The following VAV2 variants were observed in gnomAD, a reference collection of about 807,000 sequenced individuals.
VAV2 encodes guanine nucleotide exchange factor VAV2.
Under a neutral mutation model 132.5 loss-of-function variants are expected in VAV2, and 67 were observed. That is an observed-to-expected ratio of 0.51 (90% CI 0.42 to 0.62). The LOEUF is 0.62. VAV2 is among the 20% of genes least tolerant of loss of function. The pLI is 0.00. For synonymous variants in VAV2, 492 were observed against 443.5 expected, an observed-to-expected ratio of 1.11 and a Z score of -1.37; for missense variants, 938 against 1,153.6, an observed-to-expected ratio of 0.81 and a Z score of 2.71.
At position 133,961,455 on chromosome 9, in the gene VAV2, C is replaced by G. The variant is rs767977726; in HGVS notation, c.205-22236G>C. 5.3e-5 allele frequency among the ~76,000 whole-genome samples: 8 copies of G among 152,178 alleles called. No individual in the cohort carries two copies. Among genetic ancestry groups the G allele is most frequent in the Non-Finnish European group, 1.0e-4 (7 of 68,030 alleles). On this transcript the variant is annotated intron_variant, in intron 1 of 29. Transcript: ENST00000371850. This position sits in a 1 kb window ranked among gnomAD's most constrained non-coding sequence, Gnocchi z 4.1. The stretch of plus-strand genomic sequence containing the variant: ...ATCTGGGGCTGCAGACCAGAGGGCC[C>G]TGGAATCCCCTTCTCCAACCCAGTC...
intron 4 of VAV2, among the ~76,000 whole-genome samples, chr9:133,819,365 C>T (rs1211899942): frequency 1.3e-5 from 2 of 151,572 alleles, no homozygotes; most frequent in South Asian, 2.1e-4. Flanking sequence ...AGGAGAATGG[C>T]GTGAACCCAG....
intron 2 of VAV2, among the ~76,000 whole-genome samples, chr9:133,929,688 C>T (rs1372537101): frequency 1.3e-5 from 2 of 152,114 alleles, no homozygotes; most frequent in Non-Finnish European, 2.9e-5. Context: ...CTGGGATGAC[C>T]ACAGCTGCCC....
chr9:133,764,225 G>A (rs1478895468), intron 29 of VAV2, 116 bp from the exon 30 acceptor site: 1 of 1,316,560 alleles, frequency 7.6e-7, no homozygotes, highest in Non-Finnish European at 1.1e-6. Context: ...GGGCCCTTCG[G>A]AAGTCCAGAG....
chr9:133,766,858 C>T lies in VAV2; in HGVS notation c.2589+1584G>A, dbSNP rs192316981. On this transcript the variant is annotated intron_variant, in intron 29 of 29. Coordinates refer to ENST00000371850, the MANE Select transcript of VAV2 (RefSeq NM_001134398.2). ...TATATAGAATTAAGATACATGAGAA[C>T]GCTTGCACAAAAGTTGGGAGGAAAA... is the stretch of plus-strand genomic sequence containing the variant. Among the ~76,000 whole-genome samples, 976 of 148,748 alleles carry T rather than the reference C, an allele frequency of 6.6e-3. 20 individuals carry two copies. The highest frequency in any genetic ancestry group is 0.043 in the Admixed American group (645 of 14,920).
chr9:133,846,503 G>A (rs527402603), intron 3 of VAV2, among the ~76,000 whole-genome samples: 16 of 152,308 alleles, frequency 1.1e-4, no homozygotes, highest in Admixed American at 6.5e-5. Context: ...CTGCCCTGCT[G>A]GAACCCCCAG....
chr9:133,873,693 A>G (rs1440749409), intron 2 of VAV2, among the ~76,000 whole-genome samples: 2 of 152,194 alleles, frequency 1.3e-5, no homozygotes, highest in African/African-American at 4.8e-5. Context: ...CCCACCAGGA[A>G]ACTCTACAGG....
intron 2 of VAV2, among the ~76,000 whole-genome samples, chr9:133,914,523 G>A (rs1195566394): frequency 6.8e-6 from 1 of 146,384 alleles, no homozygotes; most frequent in East Asian, 2.0e-4. Flanking sequence ...CGCAGCGTGT[G>A]ACTCTGGTGA....
At chr9:133,775,185 C>A in intron 24 of VAV2, 134 bp from the exon 25 acceptor site, 1 of 723,728 alleles carries the variant, frequency 1.4e-6, no homozygotes, top group Non-Finnish European at 2.2e-6. Context: ...CTAATGAACC[C>A]AAGAGAACAG....
intron 4 of VAV2, among the ~76,000 whole-genome samples, chr9:133,818,441 A>G (rs981340081): frequency 1.3e-5 from 2 of 151,734 alleles, no homozygotes; most frequent in Admixed American, 6.6e-5. Flanking sequence ...GCCCTCAGAC[A>G]TCGGAACTCC....
intron 2 of VAV2, among the ~76,000 whole-genome samples, chr9:133,925,097 G>A (rs924758144): frequency 6.6e-6 from 1 of 152,228 alleles, no homozygotes; most frequent in East Asian, 1.9e-4. Flanking sequence ...TTGTTTCAGG[G>A]TGATGAAAAA....
Position 133,788,480 on chromosome 9 carries a change from C to T in VAV2, c.1281G>A (p.Leu427=), listed in dbSNP as rs753225328. 2.5e-5 allele frequency: 40 copies of T among 1,608,502 alleles called. No homozygotes were observed. The highest frequency in any genetic ancestry group is 3.1e-5 in the Non-Finnish European group (36 of 1,175,546). The part of the protein sequence containing the change: ...IVNHTKQDRY[L]FLFDKVVIVC... Reference sequence around the variant, plus strand: ...CGATGACCACCTTGTCAAACAGGAACAAGTACCTGGGCCAGGCAGCGCAGC... The same window carrying T: ...CGATGACCACCTTGTCAAACAGGAATAAGTACCTGGGCCAGGCAGCGCAGC... The change falls in exon 15 of 30, where the codon TTG becomes TTA. Residue 427 remains leucine (L), a synonymous_variant. Coordinates refer to ENST00000371850, the MANE Select transcript of VAV2 (RefSeq NM_001134398.2). This position sits in a 1 kb window ranked among gnomAD's most constrained non-coding sequence, Gnocchi z 5.3.
intron 1 of VAV2, among the ~76,000 whole-genome samples, chr9:133,958,131 A>G (rs1841848309): frequency 7.1e-6 from 1 of 141,674 alleles, no homozygotes; most frequent in African/African-American, 2.5e-5. Context: ...CCCATGTGAT[A>G]GTCTGAAATA....
chr9:133,861,258 T>C (rs1484741556), intron 3 of VAV2, 116 bp downstream of exon 3: 20 of 1,143,888 alleles, frequency 1.7e-5, no homozygotes, highest in Non-Finnish European at 2.1e-5. Flanking sequence ...TGCAAATGCA[T>C]GATAAAGACA....
chr9:133,959,730 G>A (rs2519798), intron 1 of VAV2, among the ~76,000 whole-genome samples: 97,774 of 151,714 alleles, frequency 0.64, 31,673 homozygotes, highest in East Asian at 0.78. Context: ...GGTGGGCCCC[G>A]AATCCAATGA....
intron 20 of VAV2, 168 bp from the exon 21 acceptor site, chr9:133,780,107 T>C (rs1833956160): frequency 2.4e-6 from 2 of 840,950 alleles, no homozygotes; most frequent in East Asian, 2.6e-5. Flanking sequence ...GCCCCCACCC[T>C]GGCAATATAT....
intron 1 of VAV2, among the ~76,000 whole-genome samples, chr9:133,972,018 C>T (rs972178446): frequency 6.6e-6 from 1 of 152,150 alleles, no homozygotes; most frequent in Admixed American, 6.5e-5. Context: ...AAGTCTTCTG[C>T]CCCAGGTCAC....
chr9:133,777,198 G>A (rs1012673485), intron 23 of VAV2, among the ~76,000 whole-genome samples, 191 bp downstream of exon 23: 1 of 152,148 alleles, frequency 6.6e-6, no homozygotes. Flanking sequence ...TTAAACAGAG[G>A]AGAGCGTGCT....
Position 133,769,906 on chromosome 9 carries a change from G to C in VAV2, c.2348-403C>G, listed in dbSNP as rs1833559757. Reference sequence around the variant, plus strand: ...GTGACTCTGGAGAGAGTCCTGAGCGGGAAGCCGCATGCTCGGGGCCTGCCC... The same window carrying C: ...GTGACTCTGGAGAGAGTCCTGAGCGCGAAGCCGCATGCTCGGGGCCTGCCC... On this transcript the variant is annotated intron_variant, in intron 27 of 29. Coordinates refer to ENST00000371850, the MANE Select transcript of VAV2 (RefSeq NM_001134398.2). This position sits in a 1 kb window ranked among gnomAD's most constrained non-coding sequence, Gnocchi z 8.1. Among the ~76,000 whole-genome samples the C allele has an allele frequency of 6.6e-6, 1 of 152,340 alleles. No individual in the cohort carries two copies. The highest frequency in any genetic ancestry group is 2.4e-5 in the African/African-American group (1 of 41,590).
rs550846728 is a variant in VAV2 at position 133,768,107 on chromosome 9, G to A, written c.2589+335C>T. 2.0e-5 allele frequency among the ~76,000 whole-genome samples: 3 copies of A among 152,242 alleles called. No individual in the cohort carries two copies. The highest frequency in any genetic ancestry group is 4.1e-4 in the South Asian group (2 of 4,824). ...ACCTCCCTTCCCGCAAACAGAGCTT[G>A]GGGACTTGCAAGTAATTTGGCGAGT... is the stretch of plus-strand genomic sequence containing the variant. On this transcript the variant is annotated intron_variant, in intron 29 of 29. Coordinates refer to ENST00000371850, the MANE Select transcript of VAV2 (RefSeq NM_001134398.2). This position sits in a 1 kb window ranked among gnomAD's most constrained non-coding sequence, Gnocchi z 5.3.
Sources: gnomAD v4.1 joint callset for allele counts (sites outside exome capture counted in the v4.1 genomes callset) on GRCh38, gnomAD v4.1.1 for gene constraint, Gnocchi (gnomAD v3.1) non-coding constraint, MANE v1.5 for transcripts, NCBI Gene and HGNC (gene_info 2026-07-23, HGNC 2026-07-21) for gene names.